ODAD2: variants seen among roughly 807,000 people sequenced by gnomAD.
The protein encoded by ODAD2 is outer dynein arm-docking complex subunit 2.
ODAD2 carries 89 observed loss-of-function variants against 106.8 expected under a neutral mutation model. The observed-to-expected ratio is 0.83, with a 90% CI of 0.70 to 0.99. ODAD2 has a LOEUF of 0.99. Among genes scored for constraint, ODAD2 ranks in the 50% least tolerant of loss-of-function variants. ODAD2 has a pLI of 0.00. For synonymous variants in ODAD2, 404 were observed against 436.2 expected (o/e 0.93, Z 0.92); for missense variants, 1,168 against 1,238.5 (o/e 0.94, Z 0.85).
At chr10:27,834,041 C>T in intron 19 of ODAD2, among the ~76,000 whole-genome samples, 1 of 152,190 alleles carries the variant, frequency 6.6e-6, no homozygotes, top group East Asian at 1.9e-4. Flanking sequence ...AGGTGAGTGA[C>T]ATCCAGGCCC....
intron 1 of ODAD2, 76 bp from the exon 2 acceptor site, chr10:27,995,256 A>G: frequency 7.1e-7 from 1 of 1,406,666 alleles, no homozygotes; most frequent in South Asian, 1.5e-5. Context: ...TCAAGACTTT[A>G]AACTAGTACT....
At position 27,984,023 on chromosome 10, in the gene ODAD2, G is replaced by A. The variant is rs781267876; in HGVS notation, c.683-44C>T. 6.3e-6 allele frequency: 10 copies of A among 1,588,836 alleles called. No homozygotes were observed. The South Asian group carries it at 1.0e-4, about 17-fold the overall frequency. ...CAATTAACAGGAGTTCCTTAACCTA[G>A]AGTTTGGTAAAAAGTGTTGGCTTCC... On this transcript the variant is annotated intron_variant, in intron 5 of 19. Coordinates refer to ENST00000305242, the MANE Select transcript of ODAD2 (RefSeq NM_018076.5).
chr10:27,962,170 A>C (rs1028804986), intron 9 of ODAD2, among the ~76,000 whole-genome samples: 1 of 152,262 alleles, frequency 6.6e-6, no homozygotes, highest in African/African-American at 2.4e-5. Context: ...TAAACAAAAC[A>C]GTGAGAAATA....
In ODAD2 at chr10:27,948,779, ATTTTT is replaced by A. The variant is rs11451204; in HGVS notation, c.1387-3822_1387-3818del. Among the ~76,000 whole-genome samples the A allele has an allele frequency of 3.4e-3, 137 of 40,326 alleles. 1 individual carries two copies. Among genetic ancestry groups the A allele is most frequent in the African/African-American group, 0.013 (124 of 9,736 alleles). The allele number at this position is 40,326 out of a possible 152,430, so 26.5% of individuals were successfully genotyped here. A position where few individuals can be genotyped will look rare whatever the true frequency, so the allele number is the denominator to read the frequency against. On this transcript the variant is annotated intron_variant, in intron 10 of 19. Transcript: ENST00000305242. ...ATCTCCAGGCTCTGTTGGCCTTTGG[ATTTTT>A]TTTTTTTTTTTTTTTTTTTGCAATT...
intron 19 of ODAD2, among the ~76,000 whole-genome samples, chr10:27,831,357 A>G (rs12250045): frequency 1.1e-4 from 17 of 152,326 alleles, no homozygotes; most frequent in African/African-American, 4.1e-4. Flanking sequence ...AGACCCAGGA[A>G]AGGCAGAGGG....
At chr10:27,860,885 A>G in intron 18 of ODAD2, 39 bp from the exon 19 acceptor site, 1 of 1,548,954 alleles carries the variant, frequency 6.5e-7, no homozygotes, top group Non-Finnish European at 8.9e-7. Context: ...GTGCATTGTA[A>G]TGACCCTGCA....
chr10:27,860,829 T>A lies in ODAD2; in HGVS notation c.2817A>T (p.Arg939Ser). 1 of 1,614,098 alleles carries A rather than the reference T, an allele frequency of 6.2e-7. No individual in the cohort carries two copies. The highest frequency in any genetic ancestry group is 1.3e-5 in the African/African-American group (1 of 75,044). The change falls in exon 19 of 20, where the codon AGA becomes AGT. Residue 939 changes from arginine to serine, a missense_variant. By Grantham distance (110) the Arg-to-Ser change is moderately radical. Coordinates refer to ENST00000305242, the MANE Select transcript of ODAD2 (RefSeq NM_018076.5). Reference protein sequence around the residue: ...KLANTNNNKLRHHLAEAISRC... With the variant: ...KLANTNNNKLSHHLAEAISRC... ...GTGAAATAGCTTCTGCTAGATGATG[T>A]CTCAATTTATTGTTATTCTGTGCAA...
intron 10 of ODAD2, among the ~76,000 whole-genome samples, chr10:27,945,316 G>A (rs1846822108): frequency 6.6e-6 from 1 of 152,216 alleles, no homozygotes; most frequent in Admixed American, 6.5e-5. Context: ...ATTGCATAAT[G>A]CAAAGCACGT....
At chr10:27,847,879 T>A (rs531274735) in intron 19 of ODAD2, among the ~76,000 whole-genome samples, 2 of 152,234 alleles carry the variant, frequency 1.3e-5, no homozygotes, top group East Asian at 3.9e-4. Flanking sequence ...GTGAAGGTAC[T>A]CTTCAAGGAG....
At chr10:27,942,800 A>T (rs142758562) in intron 12 of ODAD2, among the ~76,000 whole-genome samples, 2 of 152,230 alleles carry the variant, frequency 1.3e-5, no homozygotes, top group African/African-American at 4.8e-5. Context: ...ACATTCTGCC[A>T]CATTCGTTTT....
intron 19 of ODAD2, among the ~76,000 whole-genome samples, chr10:27,822,198 G>C (rs775746829): frequency 7.2e-5 from 11 of 152,152 alleles, no homozygotes; most frequent in South Asian, 2.1e-4. Flanking sequence ...CATGGGAATT[G>C]GGTCTGCATT....
At chr10:27,978,714 C>T (rs1030797864) in intron 7 of ODAD2, among the ~76,000 whole-genome samples, 2 of 152,022 alleles carry the variant, frequency 1.3e-5, no homozygotes, top group African/African-American at 2.4e-5. Context: ...ACCACATGAA[C>T]TCAGGAGGCA....
intron 10 of ODAD2, among the ~76,000 whole-genome samples, chr10:27,955,638 A>G (rs956272008): frequency 5.3e-5 from 8 of 152,044 alleles, no homozygotes; most frequent in Non-Finnish European, 1.0e-4. Context: ...TCAAATTCCT[A>G]CAACAAAAAC....
intron 16 of ODAD2, among the ~76,000 whole-genome samples, chr10:27,925,030 T>C (rs888347786): frequency 3.5e-5 from 5 of 143,318 alleles, no homozygotes; most frequent in African/African-American, 1.3e-4. Flanking sequence ...GAAGCAAGTA[T>C]AACATTGATA....
chr10:27,897,611 C>A (rs1042740828), intron 17 of ODAD2, among the ~76,000 whole-genome samples: 3 of 152,158 alleles, frequency 2.0e-5, no homozygotes, highest in African/African-American at 7.2e-5. Context: ...GTCACCCATT[C>A]TTACATGGTT....
At position 27,939,857 on chromosome 10, in the gene ODAD2, G is replaced by A. The variant is rs200702553; in HGVS notation, c.2097+40C>T. ...GTTAGAAAACTACCTTAAACTATGT[G>A]AGAAAGAACGCCAACAACCGCTGGG... On this transcript the variant is annotated intron_variant, in intron 14 of 19. Coordinates refer to ENST00000305242, the MANE Select transcript of ODAD2 (RefSeq NM_018076.5). The A allele has an allele frequency of 8.6e-5, 115 of 1,330,154 alleles. No homozygotes were observed. The East Asian group carries it at 2.2e-3, about 25-fold the overall frequency. 82.4% of individuals were successfully genotyped at this position (1,330,154 alleles called of 1,614,324 possible).
chr10:27,848,305 A>G (rs1838951405), intron 19 of ODAD2, among the ~76,000 whole-genome samples: 1 of 152,220 alleles, frequency 6.6e-6, no homozygotes, highest in East Asian at 1.9e-4. Context: ...AAACCTGACA[A>G]AAATAAGCAA....
intron 17 of ODAD2, among the ~76,000 whole-genome samples, chr10:27,896,239 A>C (rs571219331): frequency 2.4e-4 from 36 of 152,358 alleles, no homozygotes; most frequent in African/African-American, 8.4e-4. Context: ...AAATGGAAAT[A>C]TCTTCCTTAT....
intron 16 of ODAD2, among the ~76,000 whole-genome samples, chr10:27,930,808 C>A (rs59329138): frequency 0.16 from 24,407 of 152,072 alleles, 2,969 homozygotes; most frequent in African/African-American, 0.34. Context: ...CCTGCAATCC[C>A]TTTCACACTG....
Sources: gnomAD v4.1 joint callset for allele counts (sites outside exome capture counted in the v4.1 genomes callset) on GRCh38, gnomAD v4.1.1 for gene constraint, MANE v1.5 for transcripts, NCBI Gene and HGNC (gene_info 2026-07-23, HGNC 2026-07-21) for gene names.